The following GABRB2 variants were observed in gnomAD, a reference collection of about 807,000 sequenced individuals.
GABRB2 encodes the protein gamma-aminobutyric acid type A receptor subunit beta2, also known as gamma-aminobutyric acid receptor subunit beta-2.
GABRB2 carries 16 observed loss-of-function variants against 54.7 expected under a neutral mutation model. The ratio of observed to expected loss-of-function variants is 0.29; its 90% CI spans 0.20 to 0.44. The LOEUF (loss-of-function observed/expected upper bound fraction) is 0.44. GABRB2 is among the 20% of genes least tolerant of loss of function. GABRB2 has a pLI of 1.00. For missense variants in GABRB2, 355 were observed against 644.0 expected, an observed-to-expected ratio of 0.55 and a Z score of 4.86; for synonymous variants, 244 against 233.8, an observed-to-expected ratio of 1.04 and a Z score of -0.40.
chr5:161,302,924 C>T (rs1757579368), intron 9 of GABRB2, among the ~76,000 whole-genome samples: 1 of 152,092 alleles, frequency 6.6e-6, no homozygotes, highest in Admixed American at 6.5e-5. Context: ...GCAATACCAA[C>T]AAAAATTGGG....
chr5:161,324,248 T>C (rs1395305748), intron 9 of GABRB2, among the ~76,000 whole-genome samples: 1 of 152,204 alleles, frequency 6.6e-6, no homozygotes, highest in African/African-American at 2.4e-5. Context: ...ATGTTGATAA[T>C]GATTATATCT....
chr5:161,515,526 G>A (rs1759915168), intron 3 of GABRB2, among the ~76,000 whole-genome samples: 1 of 152,028 alleles, frequency 6.6e-6, no homozygotes, highest in South Asian at 2.1e-4. Flanking sequence ...GGATGTTTAA[G>A]GTCTGGTATG....
chr5:161,390,162 G>A (rs541281314), intron 5 of GABRB2, among the ~76,000 whole-genome samples: 4 of 151,988 alleles, frequency 2.6e-5, no homozygotes, highest in South Asian at 4.2e-4. Flanking sequence ...TGACCTTTAC[G>A]TGGCCAAATG....
chr5:161,403,892 C>G (rs1326171451), intron 5 of GABRB2, among the ~76,000 whole-genome samples: 1 of 152,088 alleles, frequency 6.6e-6, no homozygotes, highest in Non-Finnish European at 1.5e-5. Flanking sequence ...GTGCAAACCT[C>G]AGAGGGAGAA....
At chr5:161,333,791 T>A (rs1441943333) in intron 7 of GABRB2, among the ~76,000 whole-genome samples, 6 of 152,188 alleles carry the variant, frequency 3.9e-5, no homozygotes, top group African/African-American at 2.4e-5. Flanking sequence ...TTGCTCTCAA[T>A]CTTCAAGTCT....
At chr5:161,522,498 C>T (rs1236219226) in intron 3 of GABRB2, among the ~76,000 whole-genome samples, 3 of 151,746 alleles carry the variant, frequency 2.0e-5, no homozygotes, top group Non-Finnish European at 4.4e-5. Flanking sequence ...CACTGCTTGT[C>T]AGCTCTTTTT....
At chr5:161,525,061 G>A (rs1050219361) in intron 3 of GABRB2, among the ~76,000 whole-genome samples, 2 of 151,318 alleles carry the variant, frequency 1.3e-5, no homozygotes, top group African/African-American at 2.4e-5. Flanking sequence ...GTACCAACCA[G>A]GCAGTATTTT....
chr5:161,317,318 C>T (rs1758071813), intron 9 of GABRB2, among the ~76,000 whole-genome samples: 1 of 151,868 alleles, frequency 6.6e-6, no homozygotes, highest in African/African-American at 2.4e-5. Context: ...ACAAATGAAA[C>T]AAAAACAAAA....
At position 161,294,075 on chromosome 5, in the gene GABRB2, C is replaced by G. The variant is rs2113333163; in HGVS notation, c.*6G>C. 6.2e-7 allele frequency: 1 copy of G among 1,601,730 alleles called. No homozygotes were observed. Among genetic ancestry groups the G allele is most frequent in the East Asian group, 2.2e-5 (1 of 44,694 alleles). Reference sequence around the variant, plus strand: ...CTAGTCCTTGCTTCCAGTGGGAGGCCATGTTTTAGTTCACATAATAAAGCC... The same window carrying G: ...CTAGTCCTTGCTTCCAGTGGGAGGCGATGTTTTAGTTCACATAATAAAGCC... On this transcript the variant is annotated 3_prime_UTR_variant, in exon 10 of 10. Transcript: ENST00000393959.
chr5:161,425,270 C>T (rs999162110), intron 4 of GABRB2, among the ~76,000 whole-genome samples: 1 of 152,134 alleles, frequency 6.6e-6, no homozygotes, highest in African/African-American at 2.4e-5. Flanking sequence ...AAAATGCTAT[C>T]AAGCAGCAAA....
chr5:161,433,611 A>AAAAAAT (rs901085858), intron 4 of GABRB2, among the ~76,000 whole-genome samples: 18 of 152,034 alleles, frequency 1.2e-4, no homozygotes, highest in Admixed American at 6.6e-5. Flanking sequence ...CCCTGTCTCC[A>AAAAAAT]AAAAATAAAA....
intron 3 of GABRB2, among the ~76,000 whole-genome samples, chr5:161,539,104 T>G (rs1760734057): frequency 6.6e-6 from 1 of 152,236 alleles, no homozygotes; most frequent in Non-Finnish European, 1.5e-5. Context: ...ATTGCTTCAC[T>G]CTTTGGTTGG....
chr5:161,527,236 T>G (rs965549579), intron 3 of GABRB2, among the ~76,000 whole-genome samples: 5 of 150,494 alleles, frequency 3.3e-5, no homozygotes, highest in African/African-American at 1.2e-4. Context: ...AAATTAGTAG[T>G]GAAAGGACAG....
At chr5:161,511,261 T>C (rs1759759268) in intron 3 of GABRB2, among the ~76,000 whole-genome samples, 1 of 152,010 alleles carries the variant, frequency 6.6e-6, no homozygotes, top group South Asian at 2.1e-4. Context: ...TTTTCTAAAC[T>C]GCATAAAACT....
chr5:161,353,551 T>G (rs1754531930), intron 5 of GABRB2, among the ~76,000 whole-genome samples: 1 of 151,972 alleles, frequency 6.6e-6, no homozygotes, highest in African/African-American at 2.4e-5. Flanking sequence ...GGTGTTTAGG[T>G]GAGGTGTGCA....
intron 5 of GABRB2, among the ~76,000 whole-genome samples, chr5:161,405,778 A>C (rs937714366): frequency 3.3e-5 from 5 of 152,088 alleles, no homozygotes; most frequent in Non-Finnish European, 7.4e-5. Context: ...AAAATATATT[A>C]GCTCCTTGTT....
chr5:161,473,084 G>C (rs57490274), intron 3 of GABRB2, among the ~76,000 whole-genome samples: 102 of 151,966 alleles, frequency 6.7e-4, no homozygotes, highest in African/African-American at 2.4e-3. Context: ...AAAATGAAAA[G>C]CTTATTATTT....
intron 3 of GABRB2, among the ~76,000 whole-genome samples, chr5:161,475,508 C>G (rs1758566305): frequency 6.6e-6 from 1 of 151,778 alleles, no homozygotes. Context: ...GTCAAAGACA[C>G]TATGGGGAAA....
At chr5:161,406,067 G>T (rs1455641955) in intron 5 of GABRB2, among the ~76,000 whole-genome samples, 1 of 151,988 alleles carries the variant, frequency 6.6e-6, no homozygotes, top group African/African-American at 2.4e-5. Context: ...AGTACCTTTT[G>T]CTATATCAAT....
Sources: gnomAD v4.1 joint callset for allele counts (sites outside exome capture counted in the v4.1 genomes callset) on GRCh38, gnomAD v4.1.1 for gene constraint, MANE v1.5 for transcripts, NCBI Gene and HGNC (gene_info 2026-07-23, HGNC 2026-07-21) for gene names.